Variants in RAB5A observed in about 807,000 individuals in gnomAD.
The protein encoded by RAB5A is RAB5A, member RAS oncogene family.
In RAB5A, 8 loss-of-function variants were observed where a neutral mutation model predicts 25.7. The observed-to-expected ratio is 0.31, with a 90% CI of 0.18 to 0.56. The LOEUF is 0.56. Ranked by LOEUF, RAB5A falls within the 20% of genes least tolerant of loss-of-function variation. The pLI is 0.91. For missense variants in RAB5A, 192 were observed against 259.7 expected (o/e 0.74, Z 1.79); for synonymous variants, 98 against 89.8 (o/e 1.09, Z -0.52).
At chr3:19,972,547 C>G (rs974585020) in intron 2 of RAB5A, among the ~76,000 whole-genome samples, 4 of 152,134 alleles carry the variant, frequency 2.6e-5, no homozygotes, top group African/African-American at 7.2e-5. Context: ...CATTCCTGTT[C>G]AGCATGATTT....
intron 2 of RAB5A, among the ~76,000 whole-genome samples, chr3:19,974,653 C>G (rs1696796355): frequency 6.7e-6 from 1 of 149,376 alleles, no homozygotes; most frequent in African/African-American, 2.5e-5. Context: ...GGTACGGTGG[C>G]TCACGCCTAT....
intron 2 of RAB5A, among the ~76,000 whole-genome samples, chr3:19,959,354 A>G (rs2125182438): frequency 6.6e-6 from 1 of 152,252 alleles, no homozygotes; most frequent in African/African-American, 2.4e-5. Context: ...ATCTGGTGCT[A>G]TATATTAAAG....
intron 1 of RAB5A, chr3:19,947,889 A>C (rs1026067806): frequency 6.6e-6 from 1 of 152,558 alleles, no homozygotes; most frequent in East Asian, 1.9e-4. Flanking sequence ...GAGGTTGGAA[A>C]GGCCAAGGGA....
intron 2 of RAB5A, among the ~76,000 whole-genome samples, chr3:19,956,987 G>A (rs1440763353): frequency 6.7e-6 from 1 of 149,344 alleles, no homozygotes; most frequent in Non-Finnish European, 1.5e-5. Flanking sequence ...TGTTGCCCAG[G>A]CTGGTGTACA....
At chr3:19,969,615 A>G (rs1444693783) in intron 2 of RAB5A, among the ~76,000 whole-genome samples, 1 of 152,210 alleles carries the variant, frequency 6.6e-6, no homozygotes, top group Non-Finnish European at 1.5e-5. Flanking sequence ...CTGAAGTTTC[A>G]TATTTTTGTG....
rs544809164 is a variant in RAB5A at position 19,953,328 on chromosome 3, T to C, written c.163+2267T>C. Among the ~76,000 whole-genome samples the C allele has an allele frequency of 1.7e-3, 257 of 152,264 alleles. 1 individual carries two copies. The highest frequency in any genetic ancestry group is 2.9e-3 in the Non-Finnish European group (200 of 68,020). ...AGATTGTCTAGATTTCATTAATGAA[T>C]TTTTCATAAAGATTTTCATTTCTAT... On this transcript the variant is annotated intron_variant, in intron 2 of 5. Transcript: ENST00000273047.
rs1395438679 is a variant in RAB5A, at chr3:19,978,290, AT to A, written c.439-14del. ...CCAAGAGATATATCTCATATATCTC[AT>A]TTTTTGTTCTGTAAACAGGAAGCAC... On this transcript the variant is annotated intron_variant, in intron 4 of 5. Coordinates refer to ENST00000273047, the MANE Select transcript of RAB5A (RefSeq NM_004162.5). 6.6e-7 allele frequency: 1 copy of A among 1,523,550 alleles called. No homozygotes were observed. Among genetic ancestry groups the A allele is most frequent in the Admixed American group, 1.7e-5 (1 of 59,154 alleles). The allele number at this position is 1,523,550 out of a possible 1,614,324, so 94.4% of individuals were successfully genotyped here. A position where few individuals can be genotyped will look rare whatever the true frequency, so the allele number is the denominator to read the frequency against.
intron 2 of RAB5A, among the ~76,000 whole-genome samples, chr3:19,958,833 G>T (rs1696542552): frequency 6.6e-6 from 1 of 150,878 alleles, no homozygotes; most frequent in African/African-American, 2.4e-5. Flanking sequence ...CTGAGGTAGG[G>T]GAGACTGAGA....
chr3:19,961,497 T>C (rs937182221), intron 2 of RAB5A, among the ~76,000 whole-genome samples: 1 of 152,202 alleles, frequency 6.6e-6, no homozygotes, highest in East Asian at 1.9e-4. Flanking sequence ...TATGTATCAC[T>C]TAAGGAAAAT....
chr3:19,951,157 A>G, intron 2 of RAB5A, 96 bp downstream of exon 2: 1 of 1,422,048 alleles, frequency 7.0e-7, no homozygotes, highest in Admixed American at 1.9e-5. Flanking sequence ...ATAGCTAAAT[A>G]AGTCATAGAG....
At chr3:19,954,232 C>T (rs1696466259) in intron 2 of RAB5A, among the ~76,000 whole-genome samples, 1 of 152,160 alleles carries the variant, frequency 6.6e-6, no homozygotes, top group African/African-American at 2.4e-5. Context: ...CCAGGCTGGT[C>T]TCAGACTCCT....
intron 5 of RAB5A, 60 bp from the exon 6 acceptor site, chr3:19,983,648 G>T (rs888363615): frequency 1.8e-6 from 2 of 1,122,736 alleles, no homozygotes; most frequent in Non-Finnish European, 2.6e-6. Flanking sequence ...AGATAAGCAG[G>T]TGAAACTGAT....
chr3:19,977,168 GC>G (rs1049172356), intron 4 of RAB5A, among the ~76,000 whole-genome samples: 1 of 130,316 alleles, frequency 7.7e-6, no homozygotes, highest in Non-Finnish European at 1.8e-5. Flanking sequence ...CACCTCCTGG[GC>G]TTACGCCATT....
intron 2 of RAB5A, among the ~76,000 whole-genome samples, chr3:19,963,782 C>T (rs1200285398): frequency 6.6e-6 from 1 of 151,950 alleles, no homozygotes; most frequent in Admixed American, 6.6e-5. Flanking sequence ...GTAGATGGTA[C>T]TACGTGTGCA....
intron 2 of RAB5A, 155 bp downstream of exon 2, chr3:19,951,216 T>C: frequency 1.3e-6 from 1 of 752,326 alleles, no homozygotes; most frequent in Non-Finnish European, 2.0e-6. Flanking sequence ...CTTGCCTTTA[T>C]CTTTGTTAAA....
At chr3:19,953,175 A>G (rs988220700) in intron 2 of RAB5A, among the ~76,000 whole-genome samples, 5 of 152,126 alleles carry the variant, frequency 3.3e-5, no homozygotes, top group Admixed American at 1.3e-4. Context: ...TGCACTTCTA[A>G]GTTTATTTTT....
chr3:19,969,281 T>C (rs1057272051), intron 2 of RAB5A, among the ~76,000 whole-genome samples: 1 of 152,078 alleles, frequency 6.6e-6, no homozygotes, highest in Non-Finnish European at 1.5e-5. Context: ...TGAACTCAAG[T>C]GATCCACCTG....
intron 2 of RAB5A, among the ~76,000 whole-genome samples, chr3:19,962,365 C>G (rs532599862): frequency 3.3e-5 from 5 of 152,068 alleles, no homozygotes; most frequent in Non-Finnish European, 7.4e-5. Flanking sequence ...GACAGGAGTT[C>G]GAGACCAGCC....
At chr3:19,971,001 A>G (rs1245260824) in intron 2 of RAB5A, among the ~76,000 whole-genome samples, 1 of 152,132 alleles carries the variant, frequency 6.6e-6, no homozygotes, top group Non-Finnish European at 1.5e-5. Context: ...GTTCAAGACC[A>G]GTCTGGCCAA....
Sources: gnomAD v4.1 joint callset for allele counts (sites outside exome capture counted in the v4.1 genomes callset) on GRCh38, gnomAD v4.1.1 for gene constraint, MANE v1.5 for transcripts, NCBI Gene and HGNC (gene_info 2026-07-23, HGNC 2026-07-21) for gene names.